LSAMP: variants seen among roughly 807,000 people sequenced by gnomAD.
The protein encoded by LSAMP is limbic system associated membrane protein, also known as limbic system-associated membrane protein.
Under a neutral mutation model 38.6 loss-of-function variants are expected in LSAMP, and 7 were observed. The ratio of observed to expected loss-of-function variants is 0.18; its 90% CI spans 0.10 to 0.34. LSAMP has a LOEUF of 0.34. Ranked by LOEUF, LSAMP falls within the 10% of genes least tolerant of loss-of-function variation. The pLI, the probability that LSAMP is intolerant of heterozygous loss-of-function variation, is 1.00. For synonymous variants in LSAMP, 154 were observed against 166.8 expected (o/e 0.92, Z 0.59); for missense variants, 313 against 420.0 (o/e 0.75, Z 2.23).
chr3:116,245,479 CTT>C (rs991822349), intron 1 of LSAMP, among the ~76,000 whole-genome samples: 1 of 152,124 alleles, frequency 6.6e-6, no homozygotes, highest in Non-Finnish European at 1.5e-5. Context: ...ATACAAAACT[CTT>C]TAAAATTTGG....
At chr3:116,307,841 C>A (rs955083274) in intron 1 of LSAMP, among the ~76,000 whole-genome samples, 2 of 151,718 alleles carry the variant, frequency 1.3e-5, no homozygotes, top group African/African-American at 4.8e-5. Flanking sequence ...TGATTAAGAG[C>A]AAAATTGCTG....
rs1377827656 is a variant in LSAMP at position 116,103,483 on chromosome 3, A to G, written c.156-16927T>C. Among the ~76,000 whole-genome samples, 12 of 150,122 alleles carry G rather than the reference A, an allele frequency of 8.0e-5. 1 individual carries two copies. The South Asian group carries it at 1.3e-3, about 16-fold the overall frequency. On this transcript the variant is annotated intron_variant, in intron 1 of 6. Coordinates refer to ENST00000490035, the MANE Select transcript of LSAMP (RefSeq NM_002338.5). ...CCTTCTCAAAAAAAAAAAAAAAAAA[A>G]AAAAAGAAAGACAGTGTACATATCA...
rs1287585309 is a variant in LSAMP at position 115,809,234 on chromosome 3, T to A, written c.*1083A>T. Reference sequence around the variant, plus strand: ...TTCCTTATGCTGTTTGCTTACCCCATCGATAGTAGGCACTTTCATTTACAG... The same window carrying A: ...TTCCTTATGCTGTTTGCTTACCCCAACGATAGTAGGCACTTTCATTTACAG... On this transcript the variant is annotated 3_prime_UTR_variant, in exon 7 of 7. Transcript: ENST00000490035. The A allele has an allele frequency of 6.6e-6, 1 of 152,154 alleles. No individual in the cohort carries two copies. The highest frequency in any genetic ancestry group is 2.1e-4 in the South Asian group (1 of 4,828). 9.4% of individuals were successfully genotyped at this position (152,154 alleles called of 1,614,324 possible).
At chr3:116,243,401 A>G (rs1162290396) in intron 1 of LSAMP, among the ~76,000 whole-genome samples, 1 of 152,210 alleles carries the variant, frequency 6.6e-6, no homozygotes, top group Non-Finnish European at 1.5e-5. Context: ...ATCAGATCTG[A>G]GGACTAACTG....
intron 3 of LSAMP, among the ~76,000 whole-genome samples, chr3:115,891,840 G>A (rs550807437): frequency 7.2e-5 from 11 of 151,986 alleles, no homozygotes; most frequent in Middle Eastern, 3.4e-3. Context: ...TAGTGGCTTC[G>A]GTTATCTTGG....
At chr3:115,873,512 A>T (rs1298091162) in intron 3 of LSAMP, among the ~76,000 whole-genome samples, 1 of 152,058 alleles carries the variant, frequency 6.6e-6, no homozygotes, top group East Asian at 1.9e-4. Context: ...AGGAGAGGAA[A>T]GTATTCCAAA....
intron 3 of LSAMP, among the ~76,000 whole-genome samples, chr3:115,948,959 C>A (rs779813613): frequency 6.6e-6 from 1 of 152,078 alleles, no homozygotes; most frequent in African/African-American, 2.4e-5. Context: ...ATGGTAAAAC[C>A]CCATCTCTAC....
At chr3:116,077,466 AT>A (rs1290994653) in intron 2 of LSAMP, among the ~76,000 whole-genome samples, 1 of 152,062 alleles carries the variant, frequency 6.6e-6, no homozygotes, top group Admixed American at 6.6e-5. Context: ...AGTATATTTT[AT>A]TCATACATTT....
intron 1 of LSAMP, among the ~76,000 whole-genome samples, chr3:116,108,175 A>G (rs1708511957): frequency 6.6e-6 from 1 of 152,098 alleles, no homozygotes; most frequent in Admixed American, 6.5e-5. Context: ...AGGTGGGGGA[A>G]TACAAGAGGA....
intron 1 of LSAMP, among the ~76,000 whole-genome samples, chr3:116,256,578 C>G (rs2046754506): frequency 6.6e-6 from 1 of 152,116 alleles, no homozygotes. Flanking sequence ...TTATATACAA[C>G]ATATCCACAA....
intron 1 of LSAMP, among the ~76,000 whole-genome samples, chr3:116,138,729 T>C (rs1709307182): frequency 6.6e-6 from 1 of 152,064 alleles, no homozygotes; most frequent in South Asian, 2.1e-4. Context: ...CAATATGTTC[T>C]TATTTTCTGT....
At chr3:116,228,806 C>T (rs1213117380) in intron 1 of LSAMP, among the ~76,000 whole-genome samples, 2 of 152,042 alleles carry the variant, frequency 1.3e-5, no homozygotes, top group African/African-American at 4.8e-5. Context: ...TAGCATTAAT[C>T]CCCTCTGTAC....
chr3:116,292,105 T>TATC (rs1422823124), intron 1 of LSAMP, among the ~76,000 whole-genome samples: 1 of 152,196 alleles, frequency 6.6e-6, no homozygotes, highest in African/African-American at 2.4e-5. Flanking sequence ...ATTTAAAATT[T>TATC]ATCTTTGGTA....
intron 3 of LSAMP, among the ~76,000 whole-genome samples, chr3:115,913,499 G>C (rs943938492): frequency 2.0e-5 from 3 of 152,146 alleles, no homozygotes; most frequent in Admixed American, 6.5e-5. Context: ...AGCAGGAGCC[G>C]GTGTACTATG....
At position 116,354,845 on chromosome 3, in the gene LSAMP, ATGTGTGTGTGTG is replaced by A. The variant is rs56975134; in HGVS notation, c.155+90020_155+90031del. On this transcript the variant is annotated intron_variant, in intron 1 of 6. Transcript: ENST00000490035. ...TCTGTCTCTCTCTCTGGGTGTATAT[ATGTGTGTGTGTG>A]TGTGTGTGTGTGTGTGTGTGTGCAT... Among the ~76,000 whole-genome samples, 6 of 146,428 alleles carry A rather than the reference ATGTGTGTGTGTG, an allele frequency of 4.1e-5. No homozygotes were observed. In the South Asian group the frequency reaches 8.8e-4, roughly 22 times the overall value.
intron 1 of LSAMP, among the ~76,000 whole-genome samples, chr3:116,215,337 T>C (rs2046206779): frequency 6.6e-6 from 1 of 152,148 alleles, no homozygotes; most frequent in Non-Finnish European, 1.5e-5. Context: ...GGTATAAACA[T>C]GAGACCGATT....
chr3:115,910,690 C>T (rs966858014), intron 3 of LSAMP, among the ~76,000 whole-genome samples: 2 of 152,190 alleles, frequency 1.3e-5, no homozygotes, highest in African/African-American at 4.8e-5. Context: ...CACACCACTT[C>T]TCTCCTGTCC....
chr3:115,878,808 A>T (rs1419238211), intron 3 of LSAMP, among the ~76,000 whole-genome samples: 2 of 151,998 alleles, frequency 1.3e-5, no homozygotes, highest in Non-Finnish European at 2.9e-5. Context: ...AACAACAACA[A>T]TGGTGGCCCA....
intron 1 of LSAMP, among the ~76,000 whole-genome samples, chr3:116,175,818 A>C (rs953616591): frequency 1.4e-4 from 21 of 152,156 alleles, no homozygotes; most frequent in African/African-American, 4.1e-4. Context: ...AAGCAGAGCC[A>C]AAGTTTCTGG....
Sources: allele counts gnomAD v4.1 joint callset (sites outside exome capture counted in the v4.1 genomes callset), GRCh38; gene constraint gnomAD v4.1.1; transcripts MANE v1.5; gene names NCBI Gene and HGNC (gene_info 2026-07-23, HGNC 2026-07-21).